The following PRKN variants were observed in gnomAD, a reference collection of about 807,000 sequenced individuals.
PRKN encodes parkin RBR E3 ubiquitin protein ligase.
Under a neutral mutation model 59.5 loss-of-function variants are expected in PRKN, and 56 were observed. That is an observed-to-expected ratio of 0.94 (90% CI 0.76 to 1.18). The LOEUF (loss-of-function observed/expected upper bound fraction) is 1.18. Ranked by LOEUF, PRKN falls within the 50% of genes most tolerant of loss-of-function variation. The pLI is 0.00. For synonymous variants in PRKN, 250 were observed against 222.1 expected (o/e 1.13, Z -1.12); for missense variants, 657 against 596.4 (o/e 1.10, Z -1.06).
Position 161,643,876 on chromosome 6 carries a change from C to A in PRKN, c.872-74460G>T, listed in dbSNP as rs150356091. Among the ~76,000 whole-genome samples, 85 of 152,192 alleles carry A rather than the reference C, an allele frequency of 5.6e-4. No individual in the cohort carries two copies. In the East Asian group the frequency reaches 0.016, roughly 28 times the overall value. On this transcript the variant is annotated intron_variant, in intron 7 of 11. Transcript: ENST00000366898. Reference sequence around the variant, plus strand: ...TTACTTCCATGGCATAAAGTACTTTCTCCAGTATTATTTATTTCATTAGCA... The same window carrying A: ...TTACTTCCATGGCATAAAGTACTTTATCCAGTATTATTTATTTCATTAGCA...
At chr6:162,602,982 G>C (rs1781769509) in intron 1 of PRKN, among the ~76,000 whole-genome samples, 1 of 152,098 alleles carries the variant, frequency 6.6e-6, no homozygotes, top group South Asian at 2.1e-4. Context: ...CCCATCACAA[G>C]GACCGCACAG....
At chr6:161,633,405 T>A (rs143668536) in intron 7 of PRKN, among the ~76,000 whole-genome samples, 17 of 152,346 alleles carry the variant, frequency 1.1e-4, no homozygotes, top group South Asian at 2.1e-4. Context: ...CTTAGCAACA[T>A]TGAATCCTTA....
At chr6:161,873,039 G>C (rs556661877) in intron 6 of PRKN, among the ~76,000 whole-genome samples, 62 of 150,076 alleles carry the variant, frequency 4.1e-4, no homozygotes, top group African/African-American at 1.3e-3. Flanking sequence ...CTGATAATAA[G>C]GGAGGGAGCT....
At chr6:161,742,855 GC>G (rs1355810744) in intron 7 of PRKN, among the ~76,000 whole-genome samples, 4 of 152,118 alleles carry the variant, frequency 2.6e-5, no homozygotes, top group East Asian at 1.9e-4. Context: ...GAGGGGTGGC[GC>G]CCCCTCATCT....
At chr6:162,546,132 C>T in intron 1 of PRKN, among the ~76,000 whole-genome samples, 1 of 121,816 alleles carries the variant, frequency 8.2e-6, no homozygotes, top group Non-Finnish European at 1.6e-5. Flanking sequence ...GAGACAGAGT[C>T]TCACTCTGTT....
At chr6:161,514,484 G>C (rs1467655169) in intron 9 of PRKN, among the ~76,000 whole-genome samples, 1 of 152,118 alleles carries the variant, frequency 6.6e-6, no homozygotes, top group Non-Finnish European at 1.5e-5. Flanking sequence ...TTTTAAAACA[G>C]AATAAAACCA....
chr6:161,907,228 T>C (rs963357076), intron 6 of PRKN, among the ~76,000 whole-genome samples: 4 of 152,190 alleles, frequency 2.6e-5, no homozygotes, highest in African/African-American at 7.2e-5. Context: ...CATTATTTCA[T>C]GCTGGTTCTA....
rs938900308 is a variant in PRKN, at chr6:161,358,651, C to T, written c.1285+1437G>A. Among the ~76,000 whole-genome samples the T allele has an allele frequency of 4.6e-5, 7 of 152,154 alleles. No individual in the cohort carries two copies. In the East Asian group the frequency reaches 1.2e-3, roughly 25 times the overall value. ...ACACCCTTGTCAGCGAAATACCAGG[C>T]CTGTTTATCCCAAACCATCACATAT... On this transcript the variant is annotated intron_variant, in intron 11 of 11. Coordinates refer to ENST00000366898, the MANE Select transcript of PRKN (RefSeq NM_004562.3).
At position 162,031,612 on chromosome 6, in the gene PRKN, T is replaced by C. The variant is rs139235112; in HGVS notation, c.618+22479A>G. 5.9e-5 allele frequency among the ~76,000 whole-genome samples: 9 copies of C among 151,376 alleles called. No individual in the cohort carries two copies. The East Asian group carries it at 1.6e-3, about 26-fold the overall frequency. On this transcript the variant is annotated intron_variant, in intron 5 of 11. Transcript: ENST00000366898. Reference sequence around the variant, plus strand: ...GTACAATCATGCAATCTCAGCTCACTGTAACCTCCACCTCCAAGGTTCAAG... The same window carrying C: ...GTACAATCATGCAATCTCAGCTCACCGTAACCTCCACCTCCAAGGTTCAAG...
intron 4 of PRKN, among the ~76,000 whole-genome samples, chr6:162,090,178 G>A (rs1386768810): frequency 6.6e-6 from 1 of 152,134 alleles, no homozygotes; most frequent in Non-Finnish European, 1.5e-5. Flanking sequence ...GTGTGTGTGT[G>A]TGTATCAGAT....
chr6:161,636,936 T>C lies in PRKN; in HGVS notation c.872-67520A>G, dbSNP rs535214140. On this transcript the variant is annotated intron_variant, in intron 7 of 11. Transcript: ENST00000366898. ...CGCTCAGGTCTGTTCATGTTCATTT[T>C]AGATGAAGTTTTGCAGAAAAAGAAC... Among the ~76,000 whole-genome samples the C allele has an allele frequency of 1.4e-4, 21 of 152,290 alleles. 1 individual carries two copies. In the South Asian group the frequency reaches 4.4e-3, roughly 32 times the overall value.
At chr6:162,415,498 C>T (rs1467805320) in intron 2 of PRKN, among the ~76,000 whole-genome samples, 2 of 152,078 alleles carry the variant, frequency 1.3e-5, no homozygotes, top group Non-Finnish European at 2.9e-5. Context: ...CTGTTCAACA[C>T]TTAGTGATAT....
intron 6 of PRKN, among the ~76,000 whole-genome samples, chr6:161,836,992 A>G (rs1433246721): frequency 6.6e-6 from 1 of 152,128 alleles, no homozygotes; most frequent in Non-Finnish European, 1.5e-5. Context: ...CTCCGCTCCC[A>G]CACTCCTGTC....
chr6:162,476,803 A>T (rs1448439225), intron 1 of PRKN, among the ~76,000 whole-genome samples: 2 of 152,162 alleles, frequency 1.3e-5, no homozygotes, highest in South Asian at 4.1e-4. Context: ...ATTGTTAACC[A>T]CCCACAAGAA....
intron 1 of PRKN, among the ~76,000 whole-genome samples, chr6:162,549,036 GA>G (rs11362011): frequency 0.26 from 39,122 of 151,892 alleles, 6,193 homozygotes; most frequent in Non-Finnish European, 0.36. Flanking sequence ...TTTATATGTT[GA>G]AATCCTGCCC....
chr6:162,217,226 T>C (rs1777715997), intron 3 of PRKN, among the ~76,000 whole-genome samples: 1 of 152,284 alleles, frequency 6.6e-6, no homozygotes, highest in African/African-American at 2.4e-5. Context: ...TCAGTCTCTC[T>C]CCTGATATGC....
chr6:162,500,191 G>A (rs1468448847), intron 1 of PRKN, among the ~76,000 whole-genome samples: 1 of 132,278 alleles, frequency 7.6e-6, no homozygotes, highest in Admixed American at 8.0e-5. Context: ...TTTTTTTTTG[G>A]TGACAGAGTT....
intron 3 of PRKN, among the ~76,000 whole-genome samples, chr6:162,224,185 C>A (rs1255541195): frequency 6.6e-6 from 1 of 152,132 alleles, no homozygotes; most frequent in Non-Finnish European, 1.5e-5. Context: ...TATAGATACA[C>A]TGAGTTTACA....
At chr6:162,086,036 C>G (rs1376498632) in intron 4 of PRKN, among the ~76,000 whole-genome samples, 1 of 152,096 alleles carries the variant, frequency 6.6e-6, no homozygotes, top group Admixed American at 6.6e-5. Flanking sequence ...CATAGAACTC[C>G]TTATGTTACT....
Sources: gnomAD v4.1 joint callset for allele counts (sites outside exome capture counted in the v4.1 genomes callset) on GRCh38, gnomAD v4.1.1 for gene constraint, MANE v1.5 for transcripts, NCBI Gene and HGNC (gene_info 2026-07-23, HGNC 2026-07-21) for gene names.